The following MCMDC2 variants were observed in gnomAD, a reference collection of about 807,000 sequenced individuals.
MCMDC2 encodes the protein minichromosome maintenance domain-containing protein 2.
MCMDC2 carries 54 observed loss-of-function variants against 75.8 expected under a neutral mutation model. That is an observed-to-expected ratio of 0.71 (90% CI 0.57 to 0.89). MCMDC2 has a LOEUF of 0.89. Among genes scored for constraint, MCMDC2 ranks in the 40% least tolerant of loss-of-function variants. The pLI, the probability that MCMDC2 is intolerant of heterozygous loss-of-function variation, is 0.00. For synonymous variants in MCMDC2, 249 were observed against 274.6 expected (o/e 0.91, Z 0.92); for missense variants, 656 against 780.4 (o/e 0.84, Z 1.90).
At chr8:66,902,705 AAAAAAAATAT>A (rs1244004761) in intron 13 of MCMDC2, among the ~76,000 whole-genome samples, 1 of 127,864 alleles carries the variant, frequency 7.8e-6, no homozygotes, top group Non-Finnish European at 1.6e-5. Context: ...AAAAAAAAAA[AAAAAAAATAT>A]ATATATATAT....
At chr8:66,906,938 T>A (rs1306274238) in intron 14 of MCMDC2, among the ~76,000 whole-genome samples, 2 of 152,042 alleles carry the variant, frequency 1.3e-5, no homozygotes, top group African/African-American at 4.8e-5. Flanking sequence ...CCAGCTAATT[T>A]TGTATTTTTA....
At chr8:66,889,064 A>C (rs1004892500) in intron 9 of MCMDC2, among the ~76,000 whole-genome samples, 1 of 152,210 alleles carries the variant, frequency 6.6e-6, no homozygotes, top group Non-Finnish European at 1.5e-5. Context: ...ATTCCTTAGA[A>C]TAGAACATGC....
intron 7 of MCMDC2, among the ~76,000 whole-genome samples, chr8:66,879,762 A>C (rs111808984): frequency 3.3e-5 from 5 of 152,322 alleles, no homozygotes; most frequent in Non-Finnish European, 5.9e-5. Flanking sequence ...AAATGATATT[A>C]GGACCTAATG....
intron 9 of MCMDC2, among the ~76,000 whole-genome samples, chr8:66,886,786 AAAAG>A (rs1554527928): frequency 5.1e-4 from 77 of 152,056 alleles, no homozygotes; most frequent in African/African-American, 1.7e-3. Context: ...AAAAAAAAAA[AAAAG>A]AAAGAAAGAA....
Position 66,919,195 on chromosome 8 carries a change from C to A in MCMDC2, c.*26C>A. The A allele has an allele frequency of 6.6e-7, 1 of 1,518,428 alleles. No individual in the cohort carries two copies. Among genetic ancestry groups the A allele is most frequent in the South Asian group, 1.3e-5 (1 of 78,502 alleles). 94.1% of individuals were successfully genotyped at this position (1,518,428 alleles called of 1,614,324 possible). ...GCAATTTGAGGAATTTTTGTTCATT[C>A]CTACTTAAGCAGTGGAGAAAAAGTG... is the stretch of plus-strand genomic sequence containing the variant. On this transcript the variant is annotated 3_prime_UTR_variant, in exon 15 of 15. Coordinates refer to ENST00000422365, the MANE Select transcript of MCMDC2 (RefSeq NM_173518.5).
downstream of MCMDC2, among the ~76,000 whole-genome samples, chr8:66,924,242 G>T (rs1273812911): frequency 6.6e-6 from 1 of 151,800 alleles, no homozygotes; most frequent in African/African-American, 2.4e-5. Context: ...TCGTCTTCTT[G>T]ACAGTTAATG....
At chr8:66,917,155 GA>G (rs1427815786) in intron 14 of MCMDC2, among the ~76,000 whole-genome samples, 2 of 152,022 alleles carry the variant, frequency 1.3e-5, no homozygotes, top group Admixed American at 6.6e-5. Flanking sequence ...GATGTTTGGG[GA>G]AAAAAAGCTT....
intron 4 of MCMDC2, among the ~76,000 whole-genome samples, chr8:66,874,947 G>C (rs991703430): frequency 2.0e-5 from 3 of 151,726 alleles, no homozygotes; most frequent in Non-Finnish European, 4.4e-5. Flanking sequence ...GTAGAGACAG[G>C]GTTTCACCAT....
Position 66,913,739 on chromosome 8 carries a change from C to T in MCMDC2, c.1880-5264C>T, listed in dbSNP as rs527264026. On this transcript the variant is annotated intron_variant, in intron 14 of 14. Coordinates refer to ENST00000422365, the MANE Select transcript of MCMDC2 (RefSeq NM_173518.5). ...CCAACACTTTGGGAGGCCGGGGCAG[C>T]GGATCACTTGAGGTCAGGAGTTTGA... is the stretch of plus-strand genomic sequence containing the variant. Among the ~76,000 whole-genome samples the T allele has an allele frequency of 8.7e-4, 132 of 151,112 alleles. 1 individual carries two copies. Among genetic ancestry groups the T allele is most frequent in the African/African-American group, 2.7e-3 (113 of 41,154 alleles).
intron 14 of MCMDC2, among the ~76,000 whole-genome samples, chr8:66,915,884 C>G (rs1813296651): frequency 1.3e-5 from 2 of 151,144 alleles, no homozygotes; most frequent in African/African-American, 4.9e-5. Flanking sequence ...GAAAGAAAAT[C>G]AAGTGTTGTG....
In MCMDC2 at chr8:66,921,740, A is replaced by C. The variant is rs534772108; in HGVS notation, c.*2571A>C. The stretch of plus-strand genomic sequence containing the variant: ...TGGTATTAAAGAGTTTTAAGATTCA[A>C]CCACCTGGTACAACAGCAGGCTCTG... On this transcript the variant is annotated 3_prime_UTR_variant, in exon 15 of 15. Coordinates refer to ENST00000422365, the MANE Select transcript of MCMDC2 (RefSeq NM_173518.5). The C allele has an allele frequency of 6.6e-6, 1 of 152,214 alleles. No homozygotes were observed. Among genetic ancestry groups the C allele is most frequent in the Non-Finnish European group, 1.5e-5 (1 of 68,034 alleles). 9.4% of individuals were successfully genotyped at this position (152,214 alleles called of 1,614,324 possible). A position where few individuals can be genotyped will look rare whatever the true frequency, so the allele number is the denominator to read the frequency against.
At chr8:66,909,382 G>A (rs1465093033) in intron 14 of MCMDC2, among the ~76,000 whole-genome samples, 2 of 152,224 alleles carry the variant, frequency 1.3e-5, no homozygotes, top group Non-Finnish European at 2.9e-5. Flanking sequence ...ACTTGACTTT[G>A]TAACTTGACA....
At chr8:66,893,392 A>G (rs1031987015) in intron 10 of MCMDC2, among the ~76,000 whole-genome samples, 1 of 152,176 alleles carries the variant, frequency 6.6e-6, no homozygotes, top group Non-Finnish European at 1.5e-5. Context: ...GTCTGTTTTC[A>G]TGTTGCTGAT....
intron 14 of MCMDC2, among the ~76,000 whole-genome samples, chr8:66,916,287 AT>A (rs1224603127): frequency 1.3e-5 from 2 of 152,166 alleles, no homozygotes; most frequent in African/African-American, 4.8e-5. Context: ...TGTATTGGCC[AT>A]TTTACAGATG....
At chr8:66,870,994 C>G (rs933711851) in intron 1 of MCMDC2, among the ~76,000 whole-genome samples, 163 bp downstream of exon 1, 2 of 152,168 alleles carry the variant, frequency 1.3e-5, no homozygotes, top group Non-Finnish European at 2.9e-5. Context: ...TGACAGGGCA[C>G]GGAGAGAAGA....
intron 14 of MCMDC2, among the ~76,000 whole-genome samples, chr8:66,917,160 A>C (rs1362971884): frequency 1.3e-5 from 2 of 152,148 alleles, no homozygotes; most frequent in Non-Finnish European, 2.9e-5. Context: ...TTGGGGAAAA[A>C]AAGCTTCATT....
At chr8:66,911,546 G>A (rs547590288) in intron 14 of MCMDC2, among the ~76,000 whole-genome samples, 4 of 152,160 alleles carry the variant, frequency 2.6e-5, no homozygotes, top group Admixed American at 6.5e-5. Flanking sequence ...GAGGGAGGCC[G>A]AGCGTGGTGG....
At chr8:66,897,915 T>C (rs192705060) in intron 12 of MCMDC2, among the ~76,000 whole-genome samples, 33 of 152,300 alleles carry the variant, frequency 2.2e-4, no homozygotes, top group Admixed American at 9.8e-4. Context: ...GCAGGGAATA[T>C]CAGAAAGTGG....
intron 14 of MCMDC2, 48 bp downstream of exon 14, chr8:66,905,383 C>A: frequency 1.5e-6 from 2 of 1,318,586 alleles, no homozygotes; most frequent in Non-Finnish European, 2.0e-6. Flanking sequence ...TTTTATTTAA[C>A]CTTAAATATT....
Sources: allele counts gnomAD v4.1 joint callset (sites outside exome capture counted in the v4.1 genomes callset), GRCh38; gene constraint gnomAD v4.1.1; transcripts MANE v1.5; gene names NCBI Gene and HGNC (gene_info 2026-07-23, HGNC 2026-07-21).